FRMPD4: variants seen among roughly 807,000 people sequenced by gnomAD.
The protein encoded by FRMPD4 is FERM and PDZ domain containing 4.
Under a neutral mutation model 94.1 loss-of-function variants are expected in FRMPD4, and 22 were observed. That is an observed-to-expected ratio of 0.23 (90% CI 0.17 to 0.33). The LOEUF (loss-of-function observed/expected upper bound fraction) is 0.33, where lower values mean the gene tolerates loss of function less well. Among genes scored for constraint, FRMPD4 ranks in the 10% least tolerant of loss-of-function variants. The pLI, the probability that FRMPD4 is intolerant of heterozygous loss-of-function variation, is 1.00. For missense variants in FRMPD4, 1,111 were observed against 1,339.9 expected (o/e 0.83, Z 2.67); for synonymous variants, 631 against 548.6 (o/e 1.15, Z -2.10).
At chrX:12,619,596 C>A (rs2065593303) in intron 4 of FRMPD4, among the ~76,000 whole-genome samples, 1 of 111,933 alleles carries the variant, frequency 8.9e-6, no homozygotes, top group African/African-American at 3.2e-5. Flanking sequence ...ACAACCACAT[C>A]CCCCCGTGGA....
intron 1 of FRMPD4, among the ~76,000 whole-genome samples, chrX:12,398,072 C>G (rs771977857): frequency 2.7e-5 from 3 of 111,074 alleles, no homozygotes; most frequent in Non-Finnish European, 3.8e-5. Context: ...GGGAGCACAC[C>G]TTTGATTTGA....
At chrX:12,709,802 G>T (rs1012487382) in intron 13 of FRMPD4, among the ~76,000 whole-genome samples, 1 of 111,572 alleles carries the variant, frequency 9.0e-6, no homozygotes, top group Non-Finnish European at 1.9e-5. Flanking sequence ...TAATTATTTG[G>T]GAAGAAGACA....
intron 3 of FRMPD4, among the ~76,000 whole-genome samples, chrX:12,084,514 G>C (rs988347925): frequency 8.9e-6 from 1 of 112,078 alleles, no homozygotes; most frequent in African/African-American, 3.2e-5. Context: ...CTCTGTAGGA[G>C]TGATGGAGAA....
chrX:11,867,700 G>A (rs185608901), intron 2 of FRMPD4, among the ~76,000 whole-genome samples: 2 of 111,985 alleles, frequency 1.8e-5, no homozygotes, highest in African/African-American at 6.5e-5. Context: ...CCTGTGGAGC[G>A]TGTCCCCTGT....
intron 1 of FRMPD4, among the ~76,000 whole-genome samples, chrX:12,333,190 T>A (rs2055459506): frequency 8.9e-6 from 1 of 112,375 alleles, no homozygotes. Flanking sequence ...TTATAGGCCA[T>A]ATGCACAAAC....
intron 2 of FRMPD4, among the ~76,000 whole-genome samples, chrX:12,524,085 T>C (rs1021837048): frequency 5.4e-5 from 6 of 111,555 alleles, no homozygotes; most frequent in African/African-American, 2.0e-4. Flanking sequence ...AGCCCCAGAG[T>C]TGGAGGCTAT....
At chrX:12,717,366 A>G in intron 15 of FRMPD4, 135 bp from the exon 16 acceptor site, 1 of 504,036 alleles carries the variant, frequency 2.0e-6, no homozygotes. Flanking sequence ...GAAAAACTGC[A>G]ATAAACTCAG....
chrX:12,547,993 C>T (rs928915893), intron 2 of FRMPD4, among the ~76,000 whole-genome samples: 2 of 112,043 alleles, frequency 1.8e-5, no homozygotes, highest in African/African-American at 6.5e-5. Context: ...TTTTAGAAGG[C>T]TCCCGTATAA....
chrX:12,722,339 G>T lies in FRMPD4; in HGVS notation c.*481G>T, dbSNP rs757272446. 29 of 112,266 alleles carry T rather than the reference G, an allele frequency of 2.6e-4. No individual in the cohort carries two copies. The highest frequency in any genetic ancestry group is 7.5e-5 in the Non-Finnish European group (4 of 53,238). 9.3% of individuals were successfully genotyped at this position (112,266 alleles called of 1,213,427 possible). ...TTTTAAGCATTGGAAATAGCAAAAA[G>T]ACATTTAAAATTCAAGAAGCTATTA... is the stretch of plus-strand genomic sequence containing the variant. On this transcript the variant is annotated 3_prime_UTR_variant, in exon 17 of 17. Transcript: ENST00000675598.
At chrX:12,454,558 G>T (rs1438323262) in intron 1 of FRMPD4, among the ~76,000 whole-genome samples, 1 of 107,723 alleles carries the variant, frequency 9.3e-6, no homozygotes, top group Non-Finnish European at 1.9e-5. Flanking sequence ...AAAGGAAAAT[G>T]ATGTTTTGAT....
At chrX:12,244,692 T>C (rs1192499306) in intron 1 of FRMPD4, among the ~76,000 whole-genome samples, 2 of 112,890 alleles carry the variant, frequency 1.8e-5, no homozygotes, top group Non-Finnish European at 3.7e-5. Context: ...TTCTAGTCCA[T>C]GTGCTGTGGA....
intron 1 of FRMPD4, among the ~76,000 whole-genome samples, chrX:12,165,419 T>C: frequency 8.9e-6 from 1 of 112,070 alleles, no homozygotes; most frequent in African/African-American, 3.2e-5. Context: ...ATCTCTATTT[T>C]GGTACCAGTA....
chrX:12,395,194 A>G (rs2056526951), intron 1 of FRMPD4, among the ~76,000 whole-genome samples: 1 of 112,404 alleles, frequency 8.9e-6, no homozygotes, highest in South Asian at 3.7e-4. Context: ...ACACACCAGC[A>G]GATTACAGTC....
intron 1 of FRMPD4, among the ~76,000 whole-genome samples, chrX:12,332,268 T>C (rs1288502124): frequency 1.1e-5 from 1 of 91,639 alleles, no homozygotes; most frequent in Non-Finnish European, 2.1e-5. Flanking sequence ...CTGAAGGTAA[T>C]AAATACCATT....
chrX:12,033,823 G>A (rs1257450455), intron 3 of FRMPD4, among the ~76,000 whole-genome samples: 4 of 111,740 alleles, frequency 3.6e-5, no homozygotes, highest in African/African-American at 6.5e-5. Flanking sequence ...TCAGCCTCCC[G>A]AGTAGCTGGG....
At chrX:12,182,516 C>T (rs192867045) in intron 1 of FRMPD4, among the ~76,000 whole-genome samples, 1,390 of 110,194 alleles carry the variant, frequency 0.013, 15 homozygotes, top group Non-Finnish European at 0.019. Flanking sequence ...ATTTCTCAGT[C>T]CCACCTTCTA....
chrX:11,921,581 T>C (rs954404777), intron 3 of FRMPD4, among the ~76,000 whole-genome samples: 2 of 112,116 alleles, frequency 1.8e-5, no homozygotes, highest in African/African-American at 6.5e-5. Context: ...TAATAGATGC[T>C]GTATCTTAGC....
intron 9 of FRMPD4, among the ~76,000 whole-genome samples, chrX:12,701,067 C>CTTTTT (rs34465193): frequency 1.6e-3 from 91 of 56,554 alleles, no homozygotes; most frequent in Non-Finnish European, 1.8e-3. Flanking sequence ...GTTTTGGCTT[C>CTTTTT]TTTTTTTTTT....
intron 1 of FRMPD4, among the ~76,000 whole-genome samples, chrX:12,393,732 A>T (rs2056507078): frequency 8.9e-6 from 1 of 112,256 alleles, no homozygotes; most frequent in Admixed American, 9.4e-5. Context: ...TCTCCAAAAA[A>T]ATTGGGAATT....
Sources: allele counts gnomAD v4.1 joint callset (sites outside exome capture counted in the v4.1 genomes callset), GRCh38; gene constraint gnomAD v4.1.1; transcripts MANE v1.5; gene names NCBI Gene and HGNC (gene_info 2026-07-23, HGNC 2026-07-21).